Variants in SPDYE12 observed in about 807,000 individuals in gnomAD.
SPDYE12 encodes speedy/RINGO cell cycle regulator family member E12.
chr7:74,906,273 C>T, the SPDYE12 span, among the ~76,000 whole-genome samples: 2 of 142,402 alleles, frequency 1.4e-5, no homozygotes, highest in Non-Finnish European at 3.0e-5. Context: ...ACTGAACCCT[C>T]GACCCAGATC....
the SPDYE12 span, among the ~76,000 whole-genome samples, chr7:74,908,625 C>G: frequency 7.0e-6 from 1 of 143,180 alleles, no homozygotes; most frequent in African/African-American, 2.6e-5. Flanking sequence ...TTCTTCTCCC[C>G]TTAGGAGCGG....
the SPDYE12 span, among the ~76,000 whole-genome samples, chr7:74,908,661 CTTTTTTTTTTTTTTTT>C: frequency 4.1e-4 from 24 of 58,600 alleles, no homozygotes; most frequent in East Asian, 4.6e-3. Flanking sequence ...GTTTTTTGTT[CTTTTTTTTTTTTTTTT>C]TTTTTTTTTT....
chr7:74,910,318 A>G, the SPDYE12 span, among the ~76,000 whole-genome samples: 1 of 150,136 alleles, frequency 6.7e-6, no homozygotes, highest in Non-Finnish European at 1.5e-5. Context: ...AGCTATGATC[A>G]TGCCACTGTA....
chr7:74,908,661 C>CTTTTT, the SPDYE12 span, among the ~76,000 whole-genome samples: 62 of 58,610 alleles, frequency 1.1e-3, 3 homozygotes, highest in Non-Finnish European at 1.2e-3. Context: ...GTTTTTTGTT[C>CTTTTT]TTTTTTTTTT....
the SPDYE12 span, among the ~76,000 whole-genome samples, chr7:74,908,164 G>T: frequency 7.7e-6 from 1 of 130,220 alleles, no homozygotes; most frequent in Non-Finnish European, 1.7e-5. Context: ...ACATGTGTGC[G>T]GGACACCCAG....
the SPDYE12 span, chr7:74,909,406 G>A: frequency 9.1e-6 from 12 of 1,312,732 alleles, 2 homozygotes; most frequent in Non-Finnish European, 2.2e-6. Flanking sequence ...TGTCTTTTTT[G>A]TACACAGAGT....
At chr7:74,908,661 C>CTT in the SPDYE12 span, among the ~76,000 whole-genome samples, 290 of 58,598 alleles carry the variant, frequency 4.9e-3, 40 homozygotes, top group Non-Finnish European at 6.7e-3. Flanking sequence ...GTTTTTTGTT[C>CTT]TTTTTTTTTT....
the SPDYE12 span, among the ~76,000 whole-genome samples, chr7:74,914,386 TAAAAC>T: frequency 1.4e-4 from 2 of 14,350 alleles, no homozygotes; most frequent in South Asian, 2.3e-3. Flanking sequence ...AGCCCATCTC[TAAAAC>T]AAAACAAAAC....
the SPDYE12 span, chr7:74,910,787 C>T: frequency 6.0e-6 from 8 of 1,323,080 alleles, no homozygotes; most frequent in Middle Eastern, 2.4e-4. Context: ...GCGCCCTCCC[C>T]CTGGCCGTGC....
chr7:74,904,765 T>C, the SPDYE12 span, among the ~76,000 whole-genome samples: 1 of 149,582 alleles, frequency 6.7e-6, no homozygotes, highest in South Asian at 2.1e-4. Flanking sequence ...TTCCAAAATA[T>C]TTAAAATAAT....
At chr7:74,908,658 G>GTTTTTTTTTTTTTT in the SPDYE12 span, among the ~76,000 whole-genome samples, 1 of 65,994 alleles carries the variant, frequency 1.5e-5, no homozygotes, top group Non-Finnish European at 3.0e-5. Flanking sequence ...TTTGTTTTTT[G>GTTTTTTTTTTTTTT]TTCTTTTTTT....
the SPDYE12 span, among the ~76,000 whole-genome samples, chr7:74,912,396 T>TC: frequency 2.8e-5 from 1 of 35,894 alleles, no homozygotes; most frequent in Non-Finnish European, 5.4e-5. Context: ...GAGTCCCTCT[T>TC]TTTTTTTTTT....
the SPDYE12 span, among the ~76,000 whole-genome samples, chr7:74,909,032 G>GTT: frequency 3.3e-5 from 1 of 30,358 alleles, no homozygotes; most frequent in East Asian, 8.3e-3. Flanking sequence ...TTTTTTGCCT[G>GTT]GTTTTTTTTT....
At chr7:74,904,908 G>A in the SPDYE12 span, among the ~76,000 whole-genome samples, 39 of 148,208 alleles carry the variant, frequency 2.6e-4, no homozygotes, top group Non-Finnish European at 5.1e-4. Context: ...TATATTAGAC[G>A]TGTTAGTATA....
chr7:74,908,661 CTTTTTTTTTTTTTTTTTTT>C, the SPDYE12 span, among the ~76,000 whole-genome samples: 4 of 58,602 alleles, frequency 6.8e-5, no homozygotes, highest in South Asian at 9.6e-4. Context: ...GTTTTTTGTT[CTTTTTTTTTTTTTTTTTTT>C]TTTTTTTTTT....
chr7:74,911,031 G>A, the SPDYE12 span: 1 of 662,930 alleles, frequency 1.5e-6, no homozygotes. Context: ...TGGGAGAGGG[G>A]AGAATGACTT....
chr7:74,909,661 G>T, the SPDYE12 span: 3 of 1,552,464 alleles, frequency 1.9e-6, no homozygotes, highest in South Asian at 2.2e-5. Context: ...GGGAGAGGAA[G>T]ATTGTGGAGA....
chr7:74,908,236 AG>A, the SPDYE12 span, among the ~76,000 whole-genome samples: 16 of 124,580 alleles, frequency 1.3e-4, no homozygotes, highest in East Asian at 3.5e-3. Context: ...AAGCCAAGCC[AG>A]GAAACACCAA....
the SPDYE12 span, chr7:74,909,437 A>C: frequency 1.1e-6 from 1 of 924,774 alleles, no homozygotes; most frequent in East Asian, 2.5e-5. Flanking sequence ...AATAGGTGAA[A>C]GAATAAATGA....
Sources: gnomAD v4.1 joint callset for allele counts (sites outside exome capture counted in the v4.1 genomes callset) on GRCh38, gnomAD v4.1.1 for gene constraint, MANE v1.5 for transcripts, NCBI Gene and HGNC (gene_info 2026-07-23, HGNC 2026-07-21) for gene names.